The following YES1 variants were observed in gnomAD, a reference collection of about 807,000 sequenced individuals.
YES1 encodes YES proto-oncogene 1, Src family tyrosine kinase.
In YES1, 39 loss-of-function variants were observed where a neutral mutation model predicts 70.4. That is an observed-to-expected ratio of 0.55 (90% CI 0.43 to 0.72). YES1 has a LOEUF of 0.72. Among genes scored for constraint, YES1 ranks in the 30% least tolerant of loss-of-function variants. YES1 has a pLI of 0.00. For synonymous variants in YES1, 198 were observed against 218.6 expected, an observed-to-expected ratio of 0.91 and a Z score of 0.83; for missense variants, 495 against 644.8, an observed-to-expected ratio of 0.77 and a Z score of 2.52.
At chr18:729,872 G>A (rs772151168) in intron 11 of YES1, among the ~76,000 whole-genome samples, 4 of 152,012 alleles carry the variant, frequency 2.6e-5, no homozygotes, top group East Asian at 1.9e-4. Flanking sequence ...TGATCCACCC[G>A]CCTTGGCTTC....
intron 1 of YES1, among the ~76,000 whole-genome samples, chr18:764,518 G>A (rs1020823611): frequency 8.5e-5 from 13 of 152,056 alleles, no homozygotes; most frequent in African/African-American, 3.1e-4. Flanking sequence ...CACCGTGCCT[G>A]GCCAAAGTTT....
intron 1 of YES1, among the ~76,000 whole-genome samples, chr18:808,394 C>A (rs1053097667): frequency 6.6e-6 from 1 of 152,162 alleles, no homozygotes; most frequent in Non-Finnish European, 1.5e-5. Flanking sequence ...ACTGGAGCAG[C>A]TGAGAGGAAG....
intron 1 of YES1, among the ~76,000 whole-genome samples, chr18:778,647 A>G (rs1339704195): frequency 6.6e-6 from 1 of 152,182 alleles, no homozygotes. Context: ...TCTTTAGGAA[A>G]TCCTAGAAAA....
intron 10 of YES1, among the ~76,000 whole-genome samples, chr18:735,512 A>G (rs564270008): frequency 7.9e-5 from 12 of 152,134 alleles, no homozygotes; most frequent in Non-Finnish European, 1.8e-4. Context: ...TGGGGGGTGG[A>G]TAAAAGACTA....
rs1907035824 is a variant in YES1, at chr18:805,125, T to C, written c.-9+6989A>G. ...GTCATGCATCACTTAACATATATTC[T>C]GAGAAATGCCTCATTAGGCAATTCT... is the stretch of plus-strand genomic sequence containing the variant. On this transcript the variant is annotated intron_variant, in intron 1 of 11. Coordinates refer to ENST00000314574, the MANE Select transcript of YES1 (RefSeq NM_005433.4). 2.6e-5 allele frequency among the ~76,000 whole-genome samples: 4 copies of C among 152,280 alleles called. No individual in the cohort carries two copies. The South Asian group carries it at 8.3e-4, about 32-fold the overall frequency.
chr18:731,825 G>A (rs2080091398), intron 11 of YES1, among the ~76,000 whole-genome samples: 3 of 151,970 alleles, frequency 2.0e-5, no homozygotes, highest in Admixed American at 2.0e-4. Flanking sequence ...AAATTAGCTG[G>A]GCGTGGTGGC....
intron 1 of YES1, among the ~76,000 whole-genome samples, chr18:777,824 A>T (rs1349790360): frequency 6.6e-6 from 1 of 151,746 alleles, no homozygotes; most frequent in Non-Finnish European, 1.5e-5. Flanking sequence ...AAAAAAAAAA[A>T]AATTAAAAAA....
intron 11 of YES1, among the ~76,000 whole-genome samples, chr18:729,619 C>CTTTTTTTTT (rs869223956): frequency 2.7e-5 from 2 of 75,384 alleles, no homozygotes; most frequent in Non-Finnish European, 2.3e-5. Flanking sequence ...TGATTTTGAA[C>CTTTTTTTTT]TTTTTTTTTT....
At position 722,381 on chromosome 18, in the gene YES1, T is replaced by C. The variant is rs1326900177; in HGVS notation, c.*2043A>G. On this transcript the variant is annotated 3_prime_UTR_variant, in exon 12 of 12. Coordinates refer to ENST00000314574, the MANE Select transcript of YES1 (RefSeq NM_005433.4). Reference sequence around the variant, plus strand: ...GAAGTCCATCTTCACATTTTAAAAATGGTTTGAATTTGAACATATATGCCA... The same window carrying C: ...GAAGTCCATCTTCACATTTTAAAAACGGTTTGAATTTGAACATATATGCCA... 2 of 152,584 alleles carry C rather than the reference T, an allele frequency of 1.3e-5. No homozygotes were observed. The highest frequency in any genetic ancestry group is 2.4e-5 in the African/African-American group (1 of 41,430). The allele number at this position is 152,584 out of a possible 1,614,324, so 9.5% of individuals were successfully genotyped here.
At chr18:751,886 A>G (rs1463517898) in intron 2 of YES1, 82 bp from the exon 3 acceptor site, 3 of 856,844 alleles carry the variant, frequency 3.5e-6, no homozygotes, top group African/African-American at 1.7e-5. Flanking sequence ...CAGCCAAAAA[A>G]AAAAAAGCTT....
chr18:801,168 T>TA (rs1906800986), intron 1 of YES1, among the ~76,000 whole-genome samples: 1 of 151,416 alleles, frequency 6.6e-6, no homozygotes, highest in Admixed American at 6.6e-5. Flanking sequence ...AAATAAAAAA[T>TA]AAAAATAAAA....
chr18:802,416 C>T (rs1447242982), intron 1 of YES1, among the ~76,000 whole-genome samples: 4 of 151,890 alleles, frequency 2.6e-5, no homozygotes, highest in East Asian at 1.9e-4. Flanking sequence ...AGGTGGTGCA[C>T]GCTTGTAATC....
At chr18:757,729 T>G (rs1368593950) in intron 1 of YES1, among the ~76,000 whole-genome samples, 3 of 149,514 alleles carry the variant, frequency 2.0e-5, no homozygotes, top group Non-Finnish European at 4.5e-5. Context: ...GGCTGAGGCA[T>G]GAGAATCACT....
At chr18:774,341 G>T (rs1905279814) in intron 1 of YES1, among the ~76,000 whole-genome samples, 1 of 152,136 alleles carries the variant, frequency 6.6e-6, no homozygotes, top group Admixed American at 6.6e-5. Flanking sequence ...ATGATTACCA[G>T]GTTTGTATCT....
intron 1 of YES1, among the ~76,000 whole-genome samples, chr18:783,340 A>G (rs1905771039): frequency 1.3e-5 from 2 of 152,166 alleles, no homozygotes; most frequent in African/African-American, 4.8e-5. Context: ...ATGTCTTCTC[A>G]AAATCTTGTT....
chr18:770,291 T>C (rs1905095057), intron 1 of YES1, among the ~76,000 whole-genome samples: 1 of 149,190 alleles, frequency 6.7e-6, no homozygotes, highest in Non-Finnish European at 1.5e-5. Context: ...TTTTTAAGAG[T>C]TTTTAAGATT....
chr18:731,693 C>T (rs913451625), intron 11 of YES1, among the ~76,000 whole-genome samples: 25 of 152,124 alleles, frequency 1.6e-4, no homozygotes, highest in African/African-American at 5.8e-4. Context: ...TGAGGCCAGG[C>T]ACGGTGGCTC....
intron 11 of YES1, among the ~76,000 whole-genome samples, chr18:730,325 G>A (rs1356095953): frequency 6.7e-6 from 1 of 150,300 alleles, no homozygotes; most frequent in Admixed American, 6.6e-5. Flanking sequence ...GATTAGAACT[G>A]ACCAAGGACC....
intron 1 of YES1, among the ~76,000 whole-genome samples, chr18:811,639 C>T (rs1037089755): frequency 2.6e-5 from 4 of 151,980 alleles, no homozygotes; most frequent in Admixed American, 2.6e-4. Flanking sequence ...GCCAGAAAGG[C>T]TCATCCACTC....
Sources: allele counts gnomAD v4.1 joint callset (sites outside exome capture counted in the v4.1 genomes callset), GRCh38; gene constraint gnomAD v4.1.1; transcripts MANE v1.5; gene names NCBI Gene and HGNC (gene_info 2026-07-23, HGNC 2026-07-21).